The following DARS1 variants were observed in gnomAD, a reference collection of about 807,000 sequenced individuals.
DARS1 encodes the protein aspartate--tRNA ligase, cytoplasmic.
DARS1 carries 51 observed loss-of-function variants against 68.8 expected under a neutral mutation model. That is an observed-to-expected ratio of 0.74 (90% CI 0.59 to 0.94). The LOEUF is 0.94. Ranked by LOEUF, DARS1 falls within the 40% of genes least tolerant of loss-of-function variation. The pLI, the probability that DARS1 is intolerant of heterozygous loss-of-function variation, is 0.00. For synonymous variants in DARS1, 203 were observed against 190.4 expected (o/e 1.07, Z -0.55); for missense variants, 607 against 597.3 (o/e 1.02, Z -0.17).
At chr2:135,922,350 G>T (rs1358978989) in intron 9 of DARS1, among the ~76,000 whole-genome samples, 1 of 152,174 alleles carries the variant, frequency 6.6e-6, no homozygotes, top group Non-Finnish European at 1.5e-5. Context: ...CTTCAGTGCT[G>T]ATAGGGAGCT....
In DARS1 at chr2:135,906,624, T is replaced by G. The variant is rs1680785607; in HGVS notation, c.*692A>C. The G allele has an allele frequency of 6.6e-6, 1 of 152,202 alleles. No individual in the cohort carries two copies. The highest frequency in any genetic ancestry group is 2.1e-4 in the South Asian group (1 of 4,836). The allele number at this position is 152,202 out of a possible 1,614,324, so 9.4% of individuals were successfully genotyped here. ...GTGTATTTTTTCTTTTACCAAATTA[T>G]GAATGCCTAGCACCACTTACAAAAT... is the stretch of plus-strand genomic sequence containing the variant. On this transcript the variant is annotated 3_prime_UTR_variant, in exon 16 of 16. Coordinates refer to ENST00000264161, the MANE Select transcript of DARS1 (RefSeq NM_001349.4).
At chr2:135,971,734 A>G (rs1682374760) in intron 3 of DARS1, among the ~76,000 whole-genome samples, 1 of 152,176 alleles carries the variant, frequency 6.6e-6, no homozygotes, top group African/African-American at 2.4e-5. Context: ...TAAATTCAGT[A>G]ATCAGTAAAG....
At chr2:135,975,558 T>A (rs1178140188) in intron 3 of DARS1, among the ~76,000 whole-genome samples, 1 of 149,880 alleles carries the variant, frequency 6.7e-6, no homozygotes, top group African/African-American at 2.5e-5. Context: ...CTTTGGGAGG[T>A]CGAGGTAGGC....
intron 13 of DARS1, 122 bp from the exon 14 acceptor site, chr2:135,911,615 T>C (rs1680898839): frequency 1.6e-6 from 1 of 627,720 alleles, no homozygotes; most frequent in Non-Finnish European, 2.8e-6. Flanking sequence ...AACAATGCAA[T>C]CTTGTTCTCT....
chr2:135,920,387 A>T, intron 10 of DARS1, 66 bp downstream of exon 10: 2 of 1,418,966 alleles, frequency 1.4e-6, no homozygotes, highest in South Asian at 1.5e-5. Context: ...AAATTGAAGA[A>T]TTTTTTTTTT....
intron 3 of DARS1, among the ~76,000 whole-genome samples, chr2:135,961,866 T>C (rs1252924955): frequency 6.6e-6 from 1 of 152,232 alleles, no homozygotes; most frequent in African/African-American, 2.4e-5. Context: ...ATAGTTAGTA[T>C]ATTCCACATG....
chr2:135,936,078 G>C (rs902802401), intron 5 of DARS1, among the ~76,000 whole-genome samples: 16 of 152,176 alleles, frequency 1.1e-4, no homozygotes, highest in African/African-American at 3.9e-4. Context: ...CTCTTTACTA[G>C]ACCATGAGTA....
chr2:135,929,891 C>T (rs923894634), intron 7 of DARS1, among the ~76,000 whole-genome samples: 1 of 152,112 alleles, frequency 6.6e-6, no homozygotes, highest in African/African-American at 2.4e-5. Flanking sequence ...GCCCTGAGTG[C>T]TGTGTGGCTA....
chr2:135,941,650 T>C (rs1453345133), intron 5 of DARS1, among the ~76,000 whole-genome samples: 3 of 143,746 alleles, frequency 2.1e-5, no homozygotes, highest in Non-Finnish European at 4.5e-5. Context: ...AAAGCCAAAA[T>C]TGACAAATGG....
At chr2:135,954,560 T>C in intron 4 of DARS1, among the ~76,000 whole-genome samples, 1 of 152,118 alleles carries the variant, frequency 6.6e-6, no homozygotes, top group South Asian at 2.1e-4. Context: ...ACCACTGTAC[T>C]GTAACTTTTG....
In DARS1 at chr2:135,911,134, AT is replaced by A; in HGVS notation, c.1414+4del. On this transcript the variant is annotated splice_donor_region_variant and intron_variant, in intron 15 of 15. Transcript: ENST00000264161. Reference sequence around the variant, plus strand: ...ACTTATTTGTAAGCAATAACAGAATATTACCAATGCCTCCACCAGCATGAGG... The same window carrying A: ...ACTTATTTGTAAGCAATAACAGAATATACCAATGCCTCCACCAGCATGAGG... The A allele has an allele frequency of 7.8e-7, 1 of 1,285,696 alleles. No individual in the cohort carries two copies. The highest frequency in any genetic ancestry group is 1.1e-6 in the Non-Finnish European group (1 of 882,160). 79.6% of individuals were successfully genotyped at this position (1,285,696 alleles called of 1,614,324 possible).
chr2:135,914,803 C>T (rs377183342), intron 11 of DARS1: 1 of 259,518 alleles, frequency 3.9e-6, no homozygotes, highest in Admixed American at 4.9e-5. Context: ...TAATTTCCTA[C>T]AATTACACAT....
chr2:135,921,241 T>C (rs1030335916), intron 9 of DARS1, among the ~76,000 whole-genome samples: 2 of 151,682 alleles, frequency 1.3e-5, no homozygotes, highest in Non-Finnish European at 2.9e-5. Context: ...AAACTTACAA[T>C]GGTTCCCAAA....
rs1205429421 is a variant in DARS1 at position 135,907,201 on chromosome 2, C to G, written c.*115G>C. 1.6e-6 allele frequency: 1 copy of G among 608,848 alleles called. No homozygotes were observed. The highest frequency in any genetic ancestry group is 2.0e-5 in the African/African-American group (1 of 51,020). The allele number at this position is 608,848 out of a possible 1,614,324, so 37.7% of individuals were successfully genotyped here. The stretch of plus-strand genomic sequence containing the variant: ...ATATTTTAAGTACCTAAAGTACAGC[C>G]TGTGCACTAGCAGGTTACTGAAAAG... On this transcript the variant is annotated 3_prime_UTR_variant, in exon 16 of 16. Coordinates refer to ENST00000264161, the MANE Select transcript of DARS1 (RefSeq NM_001349.4).
At chr2:135,914,233 A>G (rs975149416) in intron 12 of DARS1, among the ~76,000 whole-genome samples, 12 of 152,214 alleles carry the variant, frequency 7.9e-5, no homozygotes, top group African/African-American at 2.7e-4. Context: ...ACACCTCAGA[A>G]CAACTTCGTA....
At chr2:135,982,093 G>A (rs1332996181) in intron 2 of DARS1, among the ~76,000 whole-genome samples, 2 of 152,118 alleles carry the variant, frequency 1.3e-5, no homozygotes, top group Admixed American at 6.5e-5. Flanking sequence ...TGCTTCCAAT[G>A]GGCAAGAATG....
chr2:135,918,617 T>C lies in DARS1; in HGVS notation c.959+1836A>G, dbSNP rs74527665. Among the ~76,000 whole-genome samples, 1,168 of 152,318 alleles carry C rather than the reference T, an allele frequency of 7.7e-3. 99 individuals carry two copies. In the East Asian group the frequency reaches 0.2, roughly 25 times the overall value. On this transcript the variant is annotated intron_variant, in intron 10 of 15. Coordinates refer to ENST00000264161, the MANE Select transcript of DARS1 (RefSeq NM_001349.4). ...ATGGCGTTTGAGTCTAATTTGTAAG[T>C]AGAGATTTGATTAATCCCAAGGACT... is the stretch of plus-strand genomic sequence containing the variant.
intron 7 of DARS1, among the ~76,000 whole-genome samples, chr2:135,929,273 T>C (rs1423116447): frequency 6.6e-6 from 1 of 152,184 alleles, no homozygotes; most frequent in Admixed American, 6.5e-5. Context: ...GCTGTGGTGA[T>C]CAAACACCTA....
At chr2:135,914,386 G>T in intron 12 of DARS1, 83 bp downstream of exon 12, 1 of 825,900 alleles carries the variant, frequency 1.2e-6, no homozygotes, top group Non-Finnish European at 2.1e-6. Flanking sequence ...ATTCTAGGAA[G>T]CTCAGACCCC....
Sources: gnomAD v4.1 joint callset for allele counts (sites outside exome capture counted in the v4.1 genomes callset) on GRCh38, gnomAD v4.1.1 for gene constraint, MANE v1.5 for transcripts, NCBI Gene and HGNC (gene_info 2026-07-23, HGNC 2026-07-21) for gene names.